The following DNAH9 variants were observed in gnomAD, a reference collection of about 807,000 sequenced individuals.
DNAH9 encodes the protein DNAH9 variant protein.
Under a neutral mutation model 471.6 loss-of-function variants are expected in DNAH9, and 345 were observed. The ratio of observed to expected loss-of-function variants is 0.73; its 90% confidence interval spans 0.67 to 0.80. DNAH9 has a LOEUF of 0.80. DNAH9 is among the 30% of genes least tolerant of loss of function. The pLI, the probability that DNAH9 is intolerant of heterozygous loss-of-function variation, is 0.00. For synonymous variants in DNAH9, 2,093 were observed against 2,123.6 expected, an observed-to-expected ratio of 0.99 and a Z score of 0.40; for missense variants, 5,407 against 5,609.2, an observed-to-expected ratio of 0.96 and a Z score of 1.15.
At chr17:11,666,140 C>G (rs2073863090) in intron 15 of DNAH9, among the ~76,000 whole-genome samples, 1 of 152,192 alleles carries the variant, frequency 6.6e-6, no homozygotes, top group South Asian at 2.1e-4. Context: ...AACACGGGCA[C>G]CAAGTCTGGA....
intron 43 of DNAH9, among the ~76,000 whole-genome samples, chr17:11,801,515 C>A (rs1466496211): frequency 6.6e-6 from 1 of 152,112 alleles, no homozygotes; most frequent in Non-Finnish European, 1.5e-5. Flanking sequence ...CATGGTGAAA[C>A]CCCGTCTCTA....
intron 28 of DNAH9, among the ~76,000 whole-genome samples, chr17:11,731,863 T>G (rs1456779774): frequency 6.6e-6 from 1 of 152,172 alleles, no homozygotes; most frequent in African/African-American, 2.4e-5. Context: ...TAAACATACA[T>G]GTGCATGTGT....
At chr17:11,854,474 C>G in intron 50 of DNAH9, 46 bp downstream of exon 50, 1 of 1,555,668 alleles carries the variant, frequency 6.4e-7, no homozygotes, top group South Asian at 1.2e-5. Flanking sequence ...GCCTCCAATA[C>G]AAACAACGCT....
At chr17:11,634,460 T>A (rs1420015158) in intron 8 of DNAH9, among the ~76,000 whole-genome samples, 2 of 152,072 alleles carry the variant, frequency 1.3e-5, no homozygotes, top group Non-Finnish European at 2.9e-5. Context: ...AATCCATGAG[T>A]ACATCCAGGC....
At chr17:11,673,333 C>T (rs188618205) in intron 17 of DNAH9, among the ~76,000 whole-genome samples, 1 of 152,314 alleles carries the variant, frequency 6.6e-6, no homozygotes, top group Admixed American at 6.5e-5. Context: ...ATTCAACCAC[C>T]TCTCCCATGA....
rs1974531202 is a variant in DNAH9, at chr17:11,932,066, C to T, written c.12158C>T (p.Ala4053Val). The change falls in exon 64 of 69, where the codon GCT becomes GTT. Residue 4053 changes from alanine (A) to valine (V), a missense_variant. Around this residue, in one of 3 missense-constraint regions of DNAH9, gnomAD observed 4,636 missense variants for 4,900.3 expected, o/e 0.95. Coordinates refer to ENST00000262442, the MANE Select transcript of DNAH9 (RefSeq NM_001372.4). This position sits in a 1 kb window ranked among gnomAD's most constrained non-coding sequence, Gnocchi z 4.3. ...RETEFKSILF[A>V]LCYFHAVVAE... is the part of the protein sequence containing the mutation. Reference sequence around the variant, plus strand: ...ACGGAGTTTAAGAGCATCCTCTTTGCTCTTTGTTACTTCCATGCGGTGGTG... The same window carrying T: ...ACGGAGTTTAAGAGCATCCTCTTTGTTCTTTGTTACTTCCATGCGGTGGTG... 6.2e-7 allele frequency: 1 copy of T among 1,614,134 alleles called. No homozygotes were observed. Among genetic ancestry groups the T allele is most frequent in the Non-Finnish European group, 8.5e-7 (1 of 1,180,034 alleles).
At chr17:11,669,300 C>T (rs181474046) in intron 16 of DNAH9, 40 bp downstream of exon 16, 10 of 1,596,132 alleles carry the variant, frequency 6.3e-6, no homozygotes, top group East Asian at 2.2e-5. Context: ...AACTGTGTCC[C>T]GTCCAGCCGA....
At position 11,651,122 on chromosome 17, in the gene DNAH9, C is replaced by T. The variant is rs890251313; in HGVS notation, c.2151C>T (p.His717=). Residue 717 remains histidine (H), a synonymous_variant, in exon 13 of 69, where the codon CAC becomes CAT. Coordinates refer to ENST00000262442, the MANE Select transcript of DNAH9 (RefSeq NM_001372.4). Reference sequence around the variant, plus strand: ...ATCTTGAACCCAGAGAGATGAAACACATGCCTGAGACAGCAGCAGCCATGT... The same window carrying T: ...ATCTTGAACCCAGAGAGATGAAACATATGCCTGAGACAGCAGCAGCCATGT... ...MSYLEPREMK[H]MPETAAAMFS... 2 of 1,614,098 alleles carry T rather than the reference C, an allele frequency of 1.2e-6. No homozygotes were observed. The highest frequency in any genetic ancestry group is 2.2e-5 in the South Asian group (2 of 91,080).
At chr17:11,820,889 C>G (rs76655416) in intron 45 of DNAH9, among the ~76,000 whole-genome samples, 3,320 of 152,112 alleles carry the variant, frequency 0.022, 130 homozygotes, top group African/African-American at 0.076. Flanking sequence ...AAATCCTTCC[C>G]CACTCAGAGA....
Position 11,952,309 on chromosome 17 carries a change from C to CTTTTTTTTT in DNAH9, c.12844-9538_12844-9530dup, listed in dbSNP as rs753276964. On this transcript the variant is annotated intron_variant, in intron 67 of 68. Coordinates refer to ENST00000262442, the MANE Select transcript of DNAH9 (RefSeq NM_001372.4). ...CATGCACCATTACACCCAGCTAATT[C>CTTTTTTTTT]TTTTTTTTTTTTTTTTTTTTTTTTT... Among the ~76,000 whole-genome samples the CTTTTTTTTT allele has an allele frequency of 1.5e-3, 105 of 71,084 alleles. 9 individuals are homozygous for CTTTTTTTTT. Among genetic ancestry groups the CTTTTTTTTT allele is most frequent in the African/African-American group, 5.5e-3 (89 of 16,112 alleles). The allele number at this position is 71,084 out of a possible 152,430, so 46.6% of individuals were successfully genotyped here.
intron 49 of DNAH9, among the ~76,000 whole-genome samples, chr17:11,848,590 A>G (rs1329312278): frequency 3.9e-5 from 6 of 152,038 alleles, no homozygotes. Flanking sequence ...ATTAATGACA[A>G]TTTGTACAAA....
intron 14 of DNAH9, among the ~76,000 whole-genome samples, chr17:11,654,688 T>A (rs2073600343): frequency 6.6e-6 from 1 of 152,066 alleles, no homozygotes; most frequent in African/African-American, 2.4e-5. Flanking sequence ...TAATAGTAGT[T>A]GATATTTATC....
chr17:11,671,720 G>GATCT (rs1011169899), intron 17 of DNAH9, among the ~76,000 whole-genome samples: 1 of 152,212 alleles, frequency 6.6e-6, no homozygotes, highest in Non-Finnish European at 1.5e-5. Context: ...AGTCCCTCTA[G>GATCT]AGTTTCTAAG....
chr17:11,839,725 A>G (rs1361791939), intron 49 of DNAH9, among the ~76,000 whole-genome samples: 1 of 152,184 alleles, frequency 6.6e-6, no homozygotes, highest in African/African-American at 2.4e-5. Flanking sequence ...GAAATTACCA[A>G]ATTACTTTCC....
At chr17:11,957,416 A>AT in intron 67 of DNAH9, among the ~76,000 whole-genome samples, 1 of 152,200 alleles carries the variant, frequency 6.6e-6, no homozygotes, top group Middle Eastern at 3.2e-3. Context: ...CTAAGTATAA[A>AT]TAAAAACCAT....
chr17:11,652,280 C>CT (rs11450398), intron 13 of DNAH9, among the ~76,000 whole-genome samples: 51,651 of 79,010 alleles, frequency 0.65, 19,041 homozygotes, highest in Admixed American at 0.74. Flanking sequence ...TAAGGGTAGG[C>CT]TTTTTTTTTT....
intron 51 of DNAH9, 59 bp from the exon 52 acceptor site, chr17:11,871,539 C>A: frequency 6.7e-7 from 1 of 1,500,202 alleles, no homozygotes; most frequent in Non-Finnish European, 9.2e-7. Flanking sequence ...GATGGAATCA[C>A]GGCTCTATCA....
Position 11,854,123 on chromosome 17 carries a change from G to T in DNAH9, c.9628G>T (p.Ala3210Ser), listed in dbSNP as rs116202848. Reference sequence around the variant, plus strand: ...GGTGCCCAAGGACCGGAGCTGGAAGGCTGCTAAGGTCACCATGGCCAAAGT... The same window carrying T: ...GGTGCCCAAGGACCGGAGCTGGAAGTCTGCTAAGGTCACCATGGCCAAAGT... Reference protein sequence around the residue: ...GRVPKDRSWKAAKVTMAKVDG... With the variant: ...GRVPKDRSWKSAKVTMAKVDG... Residue 3210 changes from alanine (A) to serine (S), a missense_variant, in exon 50 of 69, where the codon GCT becomes TCT. This residue lies in a region of DNAH9 where 4,636 missense variants were observed against 4,900.3 expected (regional missense o/e 0.95). Transcript: ENST00000262442. 1.5e-3 allele frequency: 2,372 copies of T among 1,614,150 alleles called. 29 individuals are homozygous for T. In the African/African-American group the frequency reaches 0.028, roughly 19 times the overall value.
rs530333591 is a variant in DNAH9 at position 11,757,557 on chromosome 17, T to C, written c.6860T>C (p.Ile2287Thr). The C allele has an allele frequency of 3.7e-6, 6 of 1,613,554 alleles. No homozygotes were observed. Among genetic ancestry groups the C allele is most frequent in the Non-Finnish European group, 5.1e-6 (6 of 1,179,526 alleles). The change falls in exon 35 of 69, where the codon ATC becomes ACC. Residue 2287 changes from isoleucine (I) to threonine (T), a missense_variant. By Grantham distance (89) the Ile-to-Thr change is moderately conservative. This residue lies in a region of DNAH9 where 4,636 missense variants were observed against 4,900.3 expected (regional missense o/e 0.95). Coordinates refer to ENST00000262442, the MANE Select transcript of DNAH9 (RefSeq NM_001372.4). The stretch of plus-strand genomic sequence containing the variant: ...TCTGTGCTCACAGGGATCTTGTACA[T>C]CAACCCGGCAGACTTGGGATGGAAC... ...ATVSRAGILY[I>T]NPADLGWNPP...
Sources: allele counts gnomAD v4.1 joint callset (sites outside exome capture counted in the v4.1 genomes callset), GRCh38; gene constraint gnomAD v4.1.1; regional missense constraint gnomAD v4.1.1; non-coding constraint Gnocchi (gnomAD v3.1); transcripts MANE v1.5; gene names NCBI Gene and HGNC (gene_info 2026-07-23, HGNC 2026-07-21).